L3MBTL4: variants seen among roughly 807,000 people sequenced by gnomAD.
L3MBTL4 encodes the protein lethal(3)malignant brain tumor-like protein 4.
L3MBTL4 carries 70 observed loss-of-function variants against 84.5 expected under a neutral mutation model. The observed-to-expected ratio is 0.83, with a 90% CI of 0.68 to 1.01. L3MBTL4 has a LOEUF of 1.01. Ranked by LOEUF, L3MBTL4 falls within the 50% of genes least tolerant of loss-of-function variation. The pLI is 0.00. For missense variants in L3MBTL4, 715 were observed against 754.8 expected (o/e 0.95, Z 0.62); for synonymous variants, 274 against 259.8 (o/e 1.05, Z -0.52).
intron 14 of L3MBTL4, among the ~76,000 whole-genome samples, chr18:6,133,137 G>A (rs2059924553): frequency 6.6e-6 from 1 of 152,068 alleles, no homozygotes; most frequent in African/African-American, 2.4e-5. Context: ...ACAATGAGAG[G>A]GCACAGTGTG....
chr18:6,081,111 T>A, intron 15 of L3MBTL4, 160 bp from the exon 16 acceptor site: 1 of 501,732 alleles, frequency 2.0e-6, no homozygotes, highest in Middle Eastern at 5.1e-4. Flanking sequence ...AGTTTAAGAT[T>A]TTAAAAACAC....
chr18:6,412,155 A>G lies in L3MBTL4; in HGVS notation c.-91+2646T>C, dbSNP rs189106567. 4.1e-4 allele frequency among the ~76,000 whole-genome samples: 63 copies of G among 152,148 alleles called. 2 individuals are homozygous for G. The East Asian group carries it at 9.1e-3, about 22-fold the overall frequency. On this transcript the variant is annotated intron_variant, in intron 1 of 18. Transcript: ENST00000317931. ...CCCCTCCCTCCTCCCATCCTTCGAT[A>G]GGTCCCAGTGTATGTTGTTCCCCTT...
chr18:6,076,397 C>G (rs1399871681), intron 16 of L3MBTL4, among the ~76,000 whole-genome samples: 1 of 152,022 alleles, frequency 6.6e-6, no homozygotes, highest in Non-Finnish European at 1.5e-5. Flanking sequence ...GCAAACAGGG[C>G]AAAAGTAACT....
chr18:6,396,070 C>T (rs2055257177), intron 1 of L3MBTL4: 1 of 152,110 alleles, frequency 6.6e-6, no homozygotes, highest in Non-Finnish European at 1.5e-5. Context: ...AAAGAAAATG[C>T]TATTTTAATC....
intron 16 of L3MBTL4, among the ~76,000 whole-genome samples, chr18:5,996,220 G>T (rs556432817): frequency 6.6e-6 from 1 of 152,176 alleles, no homozygotes; most frequent in Non-Finnish European, 1.5e-5. Context: ...CTGGAACAGT[G>T]GTTGGCCAAA....
intron 5 of L3MBTL4, among the ~76,000 whole-genome samples, chr18:6,263,645 C>T (rs1246187545): frequency 2.6e-5 from 4 of 152,170 alleles, no homozygotes; most frequent in African/African-American, 4.8e-5. Flanking sequence ...ATATCCTTTA[C>T]GGGTACAACT....
intron 14 of L3MBTL4, among the ~76,000 whole-genome samples, chr18:6,129,500 G>A (rs1217294163): frequency 6.6e-6 from 1 of 151,362 alleles, no homozygotes; most frequent in African/African-American, 2.4e-5. Context: ...GTTGAAAGTT[G>A]AATTAGTTCA....
At chr18:6,215,631 T>C (rs1391307290) in intron 11 of L3MBTL4, 119 bp downstream of exon 11, 1 of 510,442 alleles carries the variant, frequency 2.0e-6, no homozygotes, top group African/African-American at 2.0e-5. Context: ...ATATTGGTTA[T>C]GAAATTACTA....
intron 10 of L3MBTL4, among the ~76,000 whole-genome samples, chr18:6,217,508 TTATC>T (rs2145846327): frequency 6.6e-6 from 1 of 152,362 alleles, no homozygotes; most frequent in East Asian, 1.9e-4. Context: ...ATTTCACAAT[TTATC>T]TATCTATTCT....
chr18:5,983,098 G>T (rs1044711119), intron 16 of L3MBTL4, among the ~76,000 whole-genome samples: 1 of 152,176 alleles, frequency 6.6e-6, no homozygotes, highest in African/African-American at 2.4e-5. Context: ...AGTTGCTCAC[G>T]TCACGAGGAA....
At chr18:6,203,088 A>G (rs9959838) in intron 12 of L3MBTL4, among the ~76,000 whole-genome samples, 1 of 152,226 alleles carries the variant, frequency 6.6e-6, no homozygotes, top group Non-Finnish European at 1.5e-5. Flanking sequence ...ATAGAGAAGA[A>G]ACAACAAAAG....
intron 17 of L3MBTL4, among the ~76,000 whole-genome samples, chr18:5,965,470 C>G (rs1229024127): frequency 1.3e-5 from 2 of 152,202 alleles, no homozygotes; most frequent in African/African-American, 4.8e-5. Flanking sequence ...GGAGGCTCCT[C>G]TCCGAAACAC....
chr18:5,962,955 T>C (rs187578969), intron 17 of L3MBTL4, among the ~76,000 whole-genome samples: 35 of 152,316 alleles, frequency 2.3e-4, no homozygotes, highest in Admixed American at 2.0e-3. Context: ...CCTTCTGAGT[T>C]GTAACAACCA....
chr18:6,300,649 CA>C (rs5822889), intron 4 of L3MBTL4, among the ~76,000 whole-genome samples: 5,148 of 152,240 alleles, frequency 0.034, 231 homozygotes, highest in African/African-American at 0.11. Flanking sequence ...TTGTTGGCCT[CA>C]GTCTGCTTTT....
chr18:6,157,844 G>A (rs973896237), intron 13 of L3MBTL4, among the ~76,000 whole-genome samples: 3 of 152,104 alleles, frequency 2.0e-5, no homozygotes, highest in African/African-American at 7.2e-5. Flanking sequence ...TCAAACAGAA[G>A]CTAAAGAAAG....
intron 12 of L3MBTL4, among the ~76,000 whole-genome samples, chr18:6,187,823 T>C (rs2044849169): frequency 6.6e-6 from 1 of 151,686 alleles, no homozygotes; most frequent in Non-Finnish European, 1.5e-5. Flanking sequence ...GTCTAAATTA[T>C]TCCCATTGAA....
chr18:6,282,942 C>T (rs66520184), intron 4 of L3MBTL4, among the ~76,000 whole-genome samples: 26,871 of 152,028 alleles, frequency 0.18, 2,439 homozygotes, highest in East Asian at 0.23. Flanking sequence ...AAAAAGGTCC[C>T]TTGAACCTCC....
intron 4 of L3MBTL4, among the ~76,000 whole-genome samples, chr18:6,295,346 CTA>C (rs71163269): frequency 0.035 from 2,827 of 80,986 alleles, 54 homozygotes; most frequent in African/African-American, 0.045. Context: ...CTCTCTCTCT[CTA>C]TATATATATA....
At chr18:6,005,029 C>CTTTTTTTTTTTTTTTTTTTTT (rs1598412472) in intron 16 of L3MBTL4, among the ~76,000 whole-genome samples, 10 of 44,572 alleles carry the variant, frequency 2.2e-4, no homozygotes, top group Middle Eastern at 0.013. Flanking sequence ...TTTTTTTTTA[C>CTTTTTTTTTTTTTTTTTTTTT]TTTTAGTTCA....
Sources: allele counts gnomAD v4.1 joint callset (sites outside exome capture counted in the v4.1 genomes callset), GRCh38; gene constraint gnomAD v4.1.1; transcripts MANE v1.5; gene names NCBI Gene and HGNC (gene_info 2026-07-23, HGNC 2026-07-21).